LIPA: variants seen among roughly 807,000 people sequenced by gnomAD.
LIPA encodes lipase A, lysosomal acid type.
Under a neutral mutation model 40.6 loss-of-function variants are expected in LIPA, and 26 were observed. That is an observed-to-expected ratio of 0.64 (90% confidence interval 0.47 to 0.89). The LOEUF is 0.89. Among genes scored for constraint, LIPA ranks in the 40% least tolerant of loss-of-function variants. LIPA has a pLI of 0.00. For missense variants in LIPA, 455 were observed against 479.6 expected (o/e 0.95, Z 0.48); for synonymous variants, 188 against 168.4 (o/e 1.12, Z -0.90).
At chr10:89,306,540 T>C in intron 1 of LIPA, 4 of 1,614,106 alleles carry the variant, frequency 2.5e-6, no homozygotes, top group South Asian at 1.1e-5. Context: ...CAGAACGCCA[T>C]TGACCCTCTG....
At chr10:89,355,178 G>C (rs1389725422) in intron 2 of LIPA, among the ~76,000 whole-genome samples, 1 of 152,180 alleles carries the variant, frequency 6.6e-6, no homozygotes, top group Non-Finnish European at 1.5e-5. Flanking sequence ...TTTTATGTCT[G>C]CCCCCTAGTA....
intron 1 of LIPA, among the ~76,000 whole-genome samples, chr10:89,292,914 G>A (rs1366921433): frequency 1.3e-5 from 2 of 151,614 alleles, no homozygotes; most frequent in African/African-American, 4.9e-5. Flanking sequence ...CCCTCAAAGT[G>A]CTGAGATTAC....
chr10:89,261,846 A>G (rs1187691520), intron 1 of LIPA, among the ~76,000 whole-genome samples: 5 of 152,200 alleles, frequency 3.3e-5, no homozygotes, highest in Non-Finnish European at 7.3e-5. Flanking sequence ...CTGCCCTGCA[A>G]TGTGCTATTC....
chr10:89,218,034 A>G (rs1255477282), intron 8 of LIPA, among the ~76,000 whole-genome samples: 1 of 152,246 alleles, frequency 6.6e-6, no homozygotes, highest in Non-Finnish European at 1.5e-5. Flanking sequence ...GAAACCAAAT[A>G]TACACTAAGG....
rs1198515842 is a variant in LIPA at position 89,384,490 on chromosome 10, A to C, written c.61+28301T>G. The stretch of plus-strand genomic sequence containing the variant: ...CGGCCGTTTCCAAGAACATCATGGG[A>C]AATCTCAAGATAAAGCAATTACCCA... On this transcript the variant is annotated intron_variant, in intron 2 of 8. Transcript: ENST00000371837. 3 of 1,614,182 alleles carry C rather than the reference A, an allele frequency of 1.9e-6. No homozygotes were observed. Among genetic ancestry groups the C allele is most frequent in the Non-Finnish European group, 1.7e-6 (2 of 1,180,002 alleles).
At chr10:89,375,086 C>CA (rs1844112675) in intron 2 of LIPA, among the ~76,000 whole-genome samples, 1 of 152,228 alleles carries the variant, frequency 6.6e-6, no homozygotes. Flanking sequence ...ACTTGTCCCA[C>CA]ACTGTGAAAG....
chr10:89,254,467 C>G (rs1843171283), upstream of LIPA, among the ~76,000 whole-genome samples: 1 of 152,220 alleles, frequency 6.6e-6, no homozygotes, highest in South Asian at 2.1e-4. Flanking sequence ...AGGCTGCACA[C>G]AGCAGGGAGG....
In LIPA at chr10:89,383,548, G is replaced by A. The variant is rs768940767; in HGVS notation, c.61+29243C>T. ...AGCCCTGGTCAGCTTGAAAAAGGCT[G>A]AAGACTTAATTCAGAAAGAACATGC... On this transcript the variant is annotated intron_variant, in intron 2 of 8. Coordinates refer to the LIPA transcript ENST00000371837. 4.3e-6 allele frequency: 7 copies of A among 1,614,210 alleles called. No homozygotes were observed. The Admixed American group carries it at 6.7e-5, about 15-fold the overall frequency.
chr10:89,306,520 G>T, intron 1 of LIPA: 6 of 1,614,056 alleles, frequency 3.7e-6, no homozygotes, highest in Non-Finnish European at 5.1e-6. Flanking sequence ...TGGACAACTG[G>T]CCACCATCTC....
intron 1 of LIPA, among the ~76,000 whole-genome samples, chr10:89,286,833 G>A (rs1276410055): frequency 1.3e-5 from 2 of 152,180 alleles, no homozygotes; most frequent in South Asian, 4.1e-4. Flanking sequence ...AAGTAACAAT[G>A]TATTTCTGAG....
intron 2 of LIPA, among the ~76,000 whole-genome samples, chr10:89,371,195 G>C (rs1474577921): frequency 2.0e-5 from 3 of 152,222 alleles, no homozygotes. Context: ...TGGATAAGTT[G>C]GTGGGTAAGA....
At chr10:89,356,969 T>C (rs1238100126) in intron 2 of LIPA, among the ~76,000 whole-genome samples, 2 of 152,124 alleles carry the variant, frequency 1.3e-5, no homozygotes, top group Non-Finnish European at 2.9e-5. Context: ...TCCCCAGAGG[T>C]TGGGGGATGG....
upstream of LIPA, chr10:89,251,972 T>C (rs1370343572): frequency 6.6e-6 from 1 of 152,566 alleles, no homozygotes; most frequent in Non-Finnish European, 1.5e-5. Context: ...CCATAGAGCA[T>C]GCGCCGTAGG....
chr10:89,353,740 A>T (rs976387823), intron 2 of LIPA, among the ~76,000 whole-genome samples: 1 of 152,126 alleles, frequency 6.6e-6, no homozygotes, highest in African/African-American at 2.4e-5. Flanking sequence ...GAAGATCGAG[A>T]CCATCCTGGC....
chr10:89,301,435 T>C (rs1843444615), intron 1 of LIPA, among the ~76,000 whole-genome samples: 1 of 152,186 alleles, frequency 6.6e-6, no homozygotes, highest in Admixed American at 6.5e-5. Flanking sequence ...GTTAATATGG[T>C]AATCACAAGG....
intron 2 of LIPA, among the ~76,000 whole-genome samples, chr10:89,364,964 G>C (rs1252889081): frequency 6.6e-6 from 1 of 152,122 alleles, no homozygotes; most frequent in Non-Finnish European, 1.5e-5. Flanking sequence ...GGCAGAAGAA[G>C]CCATAACATC....
intron 1 of LIPA, among the ~76,000 whole-genome samples, chr10:89,260,455 G>A (rs921854141): frequency 1.3e-5 from 2 of 152,206 alleles, no homozygotes; most frequent in Non-Finnish European, 2.9e-5. Flanking sequence ...CCTGGCTTAT[G>A]GATGAGAGGT....
At chr10:89,293,114 C>CTT (rs1275580171) in intron 1 of LIPA, among the ~76,000 whole-genome samples, 6 of 152,136 alleles carry the variant, frequency 3.9e-5, no homozygotes, top group Non-Finnish European at 8.8e-5. Context: ...TGGTTTCCCC[C>CTT]ATATTATTCT....
intron 2 of LIPA, among the ~76,000 whole-genome samples, chr10:89,367,933 C>G (rs1184066863): frequency 1.3e-5 from 2 of 152,108 alleles, no homozygotes; most frequent in Non-Finnish European, 2.9e-5. Flanking sequence ...ATCGTTCCAC[C>G]CCAGCCTTCC....
Sources: allele counts gnomAD v4.1 joint callset (sites outside exome capture counted in the v4.1 genomes callset), GRCh38; gene constraint gnomAD v4.1.1; transcripts MANE v1.5; gene names NCBI Gene and HGNC (gene_info 2026-07-23, HGNC 2026-07-21).